Variants in PARD3B observed in about 807,000 individuals in gnomAD.
PARD3B encodes partitioning defective 3 homolog B.
In PARD3B, 103 loss-of-function variants were observed where a neutral mutation model predicts 130.2. The observed-to-expected ratio is 0.79, with a 90% confidence interval of 0.67 to 0.93. PARD3B has a LOEUF of 0.93. Among genes scored for constraint, PARD3B ranks in the 40% least tolerant of loss-of-function variants. PARD3B has a pLI of 0.00. For missense variants in PARD3B, 1,609 were observed against 1,499.2 expected (o/e 1.07, Z -1.21); for synonymous variants, 583 against 553.2 (o/e 1.05, Z -0.76).
rs1260780172 is a variant in PARD3B at position 204,847,052 on chromosome 2, A to T, written c.223-118100A>T. Among the ~76,000 whole-genome samples, 6 of 152,158 alleles carry T rather than the reference A, an allele frequency of 3.9e-5. 1 individual carries two copies. Among genetic ancestry groups the T allele is most frequent in the African/African-American group, 1.4e-4 (6 of 41,418 alleles). ...CTGGTTCAAGAATAGAGTAGTCATC[A>T]CACAGATTAAGGAATAGACTATCGC... On this transcript the variant is annotated intron_variant, in intron 2 of 22. Coordinates refer to ENST00000406610, the MANE Select transcript of PARD3B (RefSeq NM_001302769.2).
At chr2:204,752,803 C>T (rs1223294502) in intron 2 of PARD3B, among the ~76,000 whole-genome samples, 3 of 152,088 alleles carry the variant, frequency 2.0e-5, no homozygotes, top group Non-Finnish European at 2.9e-5. Flanking sequence ...AATTGCGTGC[C>T]GTTCTCATCT....
chr2:205,143,065 A>G (rs2033099662), intron 10 of PARD3B, among the ~76,000 whole-genome samples: 1 of 152,314 alleles, frequency 6.6e-6, no homozygotes, highest in African/African-American at 2.4e-5. Flanking sequence ...GTGCTGAGAC[A>G]TAAAGCATAT....
chr2:204,929,869 T>C (rs1055500239), intron 2 of PARD3B, among the ~76,000 whole-genome samples: 1 of 152,058 alleles, frequency 6.6e-6, no homozygotes, highest in African/African-American at 2.4e-5. Context: ...GTATTTCTAT[T>C]CCGTAACAGT....
At chr2:205,061,532 T>G (rs1700062373) in intron 4 of PARD3B, among the ~76,000 whole-genome samples, 1 of 152,174 alleles carries the variant, frequency 6.6e-6, no homozygotes, top group African/African-American at 2.4e-5. Context: ...GAACACATGG[T>G]AAGCACTATG....
chr2:205,360,674 G>A (rs888125711), intron 18 of PARD3B, among the ~76,000 whole-genome samples: 9 of 152,172 alleles, frequency 5.9e-5, no homozygotes, highest in African/African-American at 1.9e-4. Context: ...GTCATGGCCA[G>A]GTGCATGGGC....
At chr2:204,619,059 T>C (rs150368953) in intron 1 of PARD3B, among the ~76,000 whole-genome samples, 2 of 152,362 alleles carry the variant, frequency 1.3e-5, no homozygotes, top group Non-Finnish European at 2.9e-5. Context: ...AATCACTTGA[T>C]TTTCTGTCTG....
At chr2:205,551,684 C>A (rs1330446315) in intron 21 of PARD3B, among the ~76,000 whole-genome samples, 1 of 152,168 alleles carries the variant, frequency 6.6e-6, no homozygotes, top group East Asian at 1.9e-4. Context: ...TTTGCAACAT[C>A]TCTCCCCATA....
At chr2:204,798,672 T>C (rs2042459735) in intron 2 of PARD3B, among the ~76,000 whole-genome samples, 2 of 151,858 alleles carry the variant, frequency 1.3e-5, no homozygotes, top group African/African-American at 4.8e-5. Context: ...AAAGAGGACT[T>C]TCTATTACAA....
chr2:205,177,381 T>G (rs184420109), intron 13 of PARD3B, among the ~76,000 whole-genome samples: 3 of 152,306 alleles, frequency 2.0e-5, no homozygotes, highest in Admixed American at 2.0e-4. Flanking sequence ...TGAAAATATT[T>G]TATACAAAAA....
chr2:205,197,030 G>GTGTGTGT (rs1553636899), intron 15 of PARD3B, among the ~76,000 whole-genome samples: 36 of 17,070 alleles, frequency 2.1e-3, no homozygotes, highest in Admixed American at 4.3e-3. Context: ...CTGTGGGGGG[G>GTGTGTGT]GGGTGTGTGT....
intron 22 of PARD3B, among the ~76,000 whole-genome samples, chr2:205,593,238 T>C (rs113749727): frequency 6.6e-6 from 1 of 152,200 alleles, no homozygotes; most frequent in Non-Finnish European, 1.5e-5. Context: ...CCAGAAAAAA[T>C]ACTAGAGAAC....
At chr2:205,226,365 T>A (rs1463628901) in intron 15 of PARD3B, among the ~76,000 whole-genome samples, 1 of 152,154 alleles carries the variant, frequency 6.6e-6, no homozygotes, top group Non-Finnish European at 1.5e-5. Context: ...TTTGATGTGA[T>A]CCCATTTGCC....
At chr2:205,495,334 A>G (rs1407006712) in intron 20 of PARD3B, among the ~76,000 whole-genome samples, 1 of 152,216 alleles carries the variant, frequency 6.6e-6, no homozygotes, top group Non-Finnish European at 1.5e-5. Context: ...ATTCCAGCAC[A>G]TCGAAAGTGT....
chr2:205,194,983 G>A (rs1168597337), intron 15 of PARD3B, among the ~76,000 whole-genome samples: 2 of 123,750 alleles, frequency 1.6e-5, no homozygotes, highest in African/African-American at 6.1e-5. Flanking sequence ...ATTTTTAGTA[G>A]AGATGGGGTT....
intron 3 of PARD3B, among the ~76,000 whole-genome samples, chr2:204,995,476 G>C (rs1432245017): frequency 6.7e-6 from 1 of 149,752 alleles, no homozygotes; most frequent in Non-Finnish European, 1.5e-5. Flanking sequence ...GCTTCCCTTT[G>C]AGGGTAACCC....
chr2:205,215,452 A>G (rs1040019895), intron 15 of PARD3B, among the ~76,000 whole-genome samples: 1 of 152,146 alleles, frequency 6.6e-6, no homozygotes, highest in African/African-American at 2.4e-5. Flanking sequence ...AAAGATTAAC[A>G]TCCTTAACAT....
At chr2:204,583,493 GA>G (rs1429111072) in intron 1 of PARD3B, among the ~76,000 whole-genome samples, 2 of 107,180 alleles carry the variant, frequency 1.9e-5, no homozygotes, top group Non-Finnish European at 3.8e-5. Flanking sequence ...GGGGAGGGGG[GA>G]GGGGTAGCAT....
rs755197473 is a variant in PARD3B at position 205,562,428 on chromosome 2, A to G, written c.3260+9025A>G. ...TTTTTTACTTTTTCCCTCATTTTCC[A>G]TAGAAAATTCCAAACTGCTACACAT... On this transcript the variant is annotated intron_variant, in intron 22 of 22. Coordinates refer to ENST00000406610, the MANE Select transcript of PARD3B (RefSeq NM_001302769.2). This position sits in a 1 kb window ranked among gnomAD's most constrained non-coding sequence, Gnocchi z 5.4. Among the ~76,000 whole-genome samples the G allele has an allele frequency of 5.9e-5, 9 of 152,200 alleles. No homozygotes were observed. The highest frequency in any genetic ancestry group is 1.3e-4 in the Non-Finnish European group (9 of 68,036).
intron 21 of PARD3B, among the ~76,000 whole-genome samples, chr2:205,504,892 A>T (rs1242837282): frequency 6.6e-6 from 1 of 152,224 alleles, no homozygotes; most frequent in Non-Finnish European, 1.5e-5. Context: ...ATTACTGGGT[A>T]TATACCCAAA....
Sources: gnomAD v4.1 joint callset for allele counts (sites outside exome capture counted in the v4.1 genomes callset) on GRCh38, gnomAD v4.1.1 for gene constraint, Gnocchi (gnomAD v3.1) non-coding constraint, MANE v1.5 for transcripts, NCBI Gene and HGNC (gene_info 2026-07-23, HGNC 2026-07-21) for gene names.